MYO5A: variants seen among roughly 807,000 people sequenced by gnomAD.
MYO5A encodes unconventional myosin-Va.
In MYO5A, 98 loss-of-function variants were observed where a neutral mutation model predicts 249.7. That is an observed-to-expected ratio of 0.39 (90% CI 0.33 to 0.46). The LOEUF is 0.46. MYO5A is among the 20% of genes least tolerant of loss of function. MYO5A has a pLI of 0.98. For missense variants in MYO5A, 1,696 were observed against 2,308.8 expected, an observed-to-expected ratio of 0.73 and a Z score of 5.44; for synonymous variants, 778 against 810.6, an observed-to-expected ratio of 0.96 and a Z score of 0.68.
intron 21 of MYO5A, among the ~76,000 whole-genome samples, chr15:52,370,644 C>A (rs866567822): frequency 6.6e-6 from 1 of 152,154 alleles, no homozygotes; most frequent in Non-Finnish European, 1.5e-5. Flanking sequence ...ATGTGGTAAG[C>A]AAGATGGATG....
In MYO5A at chr15:52,410,274, G is replaced by A; in HGVS notation, c.756+59C>T. ...AAATAAAATGCATACCAGCAAGCAT[G>A]GACTCAACAATTATACAGCAATCTA... is the stretch of plus-strand genomic sequence containing the variant. On this transcript the variant is annotated intron_variant, in intron 6 of 41. Coordinates refer to ENST00000399233, the MANE Select transcript of MYO5A (RefSeq NM_001382347.1). The A allele has an allele frequency of 6.5e-6, 10 of 1,534,698 alleles. No homozygotes were observed. In the South Asian group the frequency reaches 1.1e-4, roughly 17 times the overall value.
intron 9 of MYO5A, among the ~76,000 whole-genome samples, chr15:52,400,194 T>G (rs897319496): frequency 3.9e-5 from 6 of 152,218 alleles, no homozygotes; most frequent in African/African-American, 1.4e-4. Context: ...TCCTCTCTAC[T>G]AGTTTGAAAG....
chr15:52,337,253 A>C (rs2039161597), intron 33 of MYO5A, among the ~76,000 whole-genome samples: 1 of 152,224 alleles, frequency 6.6e-6, no homozygotes, highest in Non-Finnish European at 1.5e-5. Flanking sequence ...AGTACACTTA[A>C]GGAGGAAGGT....
chr15:52,409,654 C>G (rs1015910235), intron 6 of MYO5A, among the ~76,000 whole-genome samples: 1 of 152,122 alleles, frequency 6.6e-6, no homozygotes, highest in Non-Finnish European at 1.5e-5. Flanking sequence ...GCTAATGAAA[C>G]CCAAATCTCA....
At chr15:52,485,075 C>T (rs1383141906) in intron 1 of MYO5A, among the ~76,000 whole-genome samples, 1 of 151,964 alleles carries the variant, frequency 6.6e-6, no homozygotes, top group African/African-American at 2.4e-5. Flanking sequence ...TTACAAAAAA[C>T]AGTAAGGCAG....
At chr15:52,396,709 A>G (rs1455606108) in intron 10 of MYO5A, among the ~76,000 whole-genome samples, 2 of 152,222 alleles carry the variant, frequency 1.3e-5, no homozygotes, top group Non-Finnish European at 2.9e-5. Flanking sequence ...CAGAATTATA[A>G]TAAAGCCATT....
chr15:52,431,751 C>T (rs925177445), intron 2 of MYO5A, among the ~76,000 whole-genome samples: 7 of 150,408 alleles, frequency 4.7e-5, no homozygotes, highest in African/African-American at 9.8e-5. Context: ...TTCAGGAGAC[C>T]GAGGTGGGAG....
intron 9 of MYO5A, among the ~76,000 whole-genome samples, chr15:52,398,661 T>C (rs574081367): frequency 6.6e-6 from 1 of 152,260 alleles, no homozygotes; most frequent in African/African-American, 2.4e-5. Context: ...TAAGCAGCCA[T>C]ATATATGTAT....
At chr15:52,524,653 G>A (rs2077696700) in intron 1 of MYO5A, among the ~76,000 whole-genome samples, 1 of 152,024 alleles carries the variant, frequency 6.6e-6, no homozygotes, top group African/African-American at 2.4e-5. Flanking sequence ...GGAAGCAGGA[G>A]GATCACTTGA....
At chr15:52,316,925 T>A in intron 40 of MYO5A, 123 bp downstream of exon 40, 2 of 1,079,318 alleles carry the variant, frequency 1.9e-6, no homozygotes, top group Admixed American at 3.7e-5. Flanking sequence ...GAGGCATATA[T>A]CTTCTTGAAC....
At chr15:52,333,894 C>T (rs553880919) in intron 34 of MYO5A, among the ~76,000 whole-genome samples, 1 of 152,338 alleles carries the variant, frequency 6.6e-6, no homozygotes, top group African/African-American at 2.4e-5. Flanking sequence ...TGAAAAGTGT[C>T]ACCTTGATTC....
At position 52,364,242 on chromosome 15, in the gene MYO5A, A is replaced by C. The variant is rs117166464; in HGVS notation, c.3309+312T>G. ...ACACAGGGAGACTCCATCTCAAAAA[A>C]AAAAACAAAAACAAAAACAAAAATC... is the stretch of plus-strand genomic sequence containing the variant. On this transcript the variant is annotated intron_variant, in intron 24 of 41. Transcript: ENST00000399233. Among the ~76,000 whole-genome samples the C allele has an allele frequency of 3.5e-3, 539 of 152,228 alleles. 5 individuals carry two copies. The highest frequency in any genetic ancestry group is 0.028 in the East Asian group (145 of 5,190).
chr15:52,434,507 T>C (rs1353361166), intron 1 of MYO5A, among the ~76,000 whole-genome samples: 3 of 152,120 alleles, frequency 2.0e-5, no homozygotes, highest in Non-Finnish European at 4.4e-5. Flanking sequence ...GCACAGCCAG[T>C]CACTAATAAG....
At chr15:52,389,868 C>G (rs866596500) in intron 12 of MYO5A, among the ~76,000 whole-genome samples, 8 of 152,110 alleles carry the variant, frequency 5.3e-5, no homozygotes, top group Admixed American at 1.3e-4. Context: ...GCAGGAGAAT[C>G]CCTTGAACCT....
chr15:52,369,194 C>T (rs561078748), intron 22 of MYO5A, among the ~76,000 whole-genome samples: 4 of 152,274 alleles, frequency 2.6e-5, no homozygotes, highest in East Asian at 1.9e-4. Context: ...CTATCCTAAC[C>T]GACCTGCATC....
chr15:52,485,259 T>TAAAAAAAAAAAAAAAAAAAAAAA (rs72085613), intron 1 of MYO5A, among the ~76,000 whole-genome samples: 1 of 102,762 alleles, frequency 9.7e-6, no homozygotes, highest in Non-Finnish European at 2.1e-5. Flanking sequence ...ATTCACTATG[T>TAAAAAAAAAAAAAAAAAAAAAAA]AAAAAAAAAA....
intron 20 of MYO5A, 96 bp from the exon 21 acceptor site, chr15:52,372,459 G>A: frequency 6.6e-7 from 1 of 1,504,628 alleles, no homozygotes; most frequent in Admixed American, 1.8e-5. Flanking sequence ...ATTACCTAGA[G>A]GAAAAGACAT....
At chr15:52,407,222 T>C in intron 8 of MYO5A, 70 bp downstream of exon 8, 2 of 1,089,922 alleles carry the variant, frequency 1.8e-6, no homozygotes, top group Non-Finnish European at 2.8e-6. Flanking sequence ...GTCAAGCCAA[T>C]ATTCTAAACA....
rs2041828243 is a variant in MYO5A at position 52,383,139 on chromosome 15, G to C, written c.1964C>G (p.Pro655Arg). ...LLMETLNATT[P>R]HYVRCIKPND... ...AGGCTTGATACAGCGCACATAGTGA[G>C]GGGTAGTGGCATTGAGTGTCTCCAT... The change falls in exon 16 of 42, where the codon CCT (proline) becomes CGT (arginine). Residue 655 changes from proline (P) to arginine (R), a missense_variant. By Grantham distance (103) the Pro-to-Arg change is moderately radical. Around this residue, in one of 5 missense-constraint regions of MYO5A, gnomAD observed 277 missense variants for 422.4 expected, o/e 0.66. Transcript: ENST00000399233. The C allele has an allele frequency of 6.2e-7, 1 of 1,613,992 alleles. No homozygotes were observed. Among genetic ancestry groups the C allele is most frequent in the Non-Finnish European group, 8.5e-7 (1 of 1,179,982 alleles).
Sources: gnomAD v4.1 joint callset for allele counts (sites outside exome capture counted in the v4.1 genomes callset) on GRCh38, gnomAD v4.1.1 for gene constraint, gnomAD v4.1.1 regional missense constraint, MANE v1.5 for transcripts, NCBI Gene and HGNC (gene_info 2026-07-23, HGNC 2026-07-21) for gene names.